CASTOR2: variants seen among roughly 807,000 people sequenced by gnomAD.
CASTOR2 encodes GATS protein like 2.
In CASTOR2, 8 loss-of-function variants were observed where a neutral mutation model predicts 31.2. That is an observed-to-expected ratio of 0.26 (90% CI 0.15 to 0.46). The LOEUF (loss-of-function observed/expected upper bound fraction) is 0.46, where lower values mean the gene tolerates loss of function less well. CASTOR2 is among the 20% of genes least tolerant of loss of function. The pLI is 0.99. For missense variants in CASTOR2, 216 were observed against 382.1 expected (o/e 0.57, Z 3.62); for synonymous variants, 162 against 158.7 (o/e 1.02, Z -0.16).
chr7:75,023,869 A>G (rs1805065343), intron 7 of CASTOR2, among the ~76,000 whole-genome samples: 1 of 152,134 alleles, frequency 6.6e-6, no homozygotes, highest in East Asian at 1.9e-4. Flanking sequence ...ACCAGGCCCC[A>G]CCTCCAATAC....
At chr7:75,013,471 C>T (rs1306700114) in intron 2 of CASTOR2, among the ~76,000 whole-genome samples, 14 of 144,200 alleles carry the variant, frequency 9.7e-5, no homozygotes, top group Non-Finnish European at 1.6e-4. Flanking sequence ...GGCAAAGCCC[C>T]GTCTCTACAA....
intron 1 of CASTOR2, among the ~76,000 whole-genome samples, chr7:74,988,609 T>C (rs1321555125): frequency 6.6e-6 from 1 of 152,110 alleles, no homozygotes; most frequent in African/African-American, 2.4e-5. Context: ...CGCTCCTTTT[T>C]TTTGGTGGAC....
chr7:74,979,392 A>ATTTT (rs56307933), intron 1 of CASTOR2, among the ~76,000 whole-genome samples: 1 of 117,928 alleles, frequency 8.5e-6, no homozygotes, highest in Non-Finnish European at 1.8e-5. Context: ...ATGTTCCCAT[A>ATTTT]TTTTTTTTTT....
rs1351119190 is a variant in CASTOR2 at position 74,977,098 on chromosome 7, C to T, written c.113+12000C>T. Among the ~76,000 whole-genome samples, 3 of 147,714 alleles carry T rather than the reference C, an allele frequency of 2.0e-5. No individual in the cohort carries two copies. The Admixed American group carries it at 2.1e-4, about 10-fold the overall frequency. ...ACTGGGGAGGCTGAGGCAGGAGAAT[C>T]GCTTGAACCTGGAAGGCAGAGGTTG... is the stretch of plus-strand genomic sequence containing the variant. On this transcript the variant is annotated intron_variant, in intron 1 of 8. Transcript: ENST00000616305.
At position 75,025,576 on chromosome 7, in the gene CASTOR2, C is replaced by G. The variant is rs1052080044; in HGVS notation, c.*877C>G. The stretch of plus-strand genomic sequence containing the variant: ...GGTGTCCCACCTCCCCAACAGACAA[C>G]TAGACCAGCATAGGACTCCCCGCCG... On this transcript the variant is annotated 3_prime_UTR_variant, in exon 9 of 9. Coordinates refer to ENST00000616305, the MANE Select transcript of CASTOR2 (RefSeq NM_001145064.3). 2.2e-4 allele frequency among the ~76,000 whole-genome samples: 33 copies of G among 152,352 alleles called. 2 individuals are homozygous for G. Among genetic ancestry groups the G allele is most frequent in the South Asian group, 1.9e-3 (9 of 4,830 alleles).
Position 75,028,940 on chromosome 7 carries a change from G to C in CASTOR2, c.*4241G>C, listed in dbSNP as rs1337851091. Among the ~76,000 whole-genome samples the C allele has an allele frequency of 6.6e-6, 1 of 152,240 alleles. No individual in the cohort carries two copies. The highest frequency in any genetic ancestry group is 1.5e-5 in the Non-Finnish European group (1 of 68,044). ...TCCTCTCACCTCCAGGCACCAGGCT[G>C]CTGGTGGGAAAGGAAGGAGCTGGGG... On this transcript the variant is annotated 3_prime_UTR_variant, in exon 9 of 9. Coordinates refer to ENST00000616305, the MANE Select transcript of CASTOR2 (RefSeq NM_001145064.3).
intron 1 of CASTOR2, among the ~76,000 whole-genome samples, chr7:75,000,163 C>T (rs1237449606): frequency 1.3e-5 from 2 of 152,184 alleles, no homozygotes; most frequent in African/African-American, 4.8e-5. Flanking sequence ...GAGTTGGAGG[C>T]TGCAGTGAAC....
At chr7:75,010,333 T>G (rs1411896474) in intron 2 of CASTOR2, among the ~76,000 whole-genome samples, 391 of 151,714 alleles carry the variant, frequency 2.6e-3, no homozygotes, top group Non-Finnish European at 4.7e-3. Context: ...AAGACAGAGG[T>G]AGGCAGGGTA....
intron 7 of CASTOR2, among the ~76,000 whole-genome samples, chr7:75,023,859 A>AC (rs199556745): frequency 0.028 from 4,237 of 152,312 alleles, 95 homozygotes; most frequent in African/African-American, 0.047. Context: ...GTCATCTTGC[A>AC]CCAGGCCCCA....
At chr7:74,976,531 T>TCTC (rs369879917) in intron 1 of CASTOR2, among the ~76,000 whole-genome samples, 2,592 of 118,872 alleles carry the variant, frequency 0.022, 127 homozygotes, top group African/African-American at 0.073. Context: ...TGAGACCCTG[T>TCTC]CTCCTCCTCC....
At position 74,996,734 on chromosome 7, in the gene CASTOR2, TTTTTTTTTTTTG is replaced by T. The variant is rs1277294936; in HGVS notation, c.114-11259_114-11248del. Among the ~76,000 whole-genome samples the T allele has an allele frequency of 3.2e-4, 37 of 117,258 alleles. 1 individual carries two copies. Among genetic ancestry groups the T allele is most frequent in the East Asian group, 2.4e-3 (9 of 3,792 alleles). 76.9% of individuals were successfully genotyped at this position (117,258 alleles called of 152,430 possible). ...CTGGTGCTTTTTTTTTTTTTTTTTT[TTTTTTTTTTTTG>T]GAGACAGAATCTTACTCTGTCACCC... is the stretch of plus-strand genomic sequence containing the variant. On this transcript the variant is annotated intron_variant, in intron 1 of 8. Coordinates refer to ENST00000616305, the MANE Select transcript of CASTOR2 (RefSeq NM_001145064.3).
intron 2 of CASTOR2, among the ~76,000 whole-genome samples, chr7:75,014,108 A>G (rs1466607859): frequency 6.6e-6 from 1 of 152,174 alleles, no homozygotes; most frequent in East Asian, 1.9e-4. Context: ...GCCTCTGGGT[A>G]ATGGGTAGAA....
intron 1 of CASTOR2, among the ~76,000 whole-genome samples, chr7:75,003,775 C>G (rs1321057160): frequency 6.6e-6 from 1 of 151,590 alleles, no homozygotes; most frequent in Admixed American, 6.6e-5. Flanking sequence ...ACAACAACAA[C>G]AAGGAGGTCA....
intron 1 of CASTOR2, among the ~76,000 whole-genome samples, chr7:75,003,728 A>G (rs1392293171): frequency 2.0e-5 from 3 of 151,830 alleles, no homozygotes; most frequent in Non-Finnish European, 4.4e-5. Flanking sequence ...CAGCCTGGGT[A>G]ACAGAGCGAG....
In CASTOR2 at chr7:74,988,451, C is replaced by T. The variant is rs1209876444; in HGVS notation, c.114-19543C>T. 3.3e-5 allele frequency among the ~76,000 whole-genome samples: 5 copies of T among 152,154 alleles called. 1 individual carries two copies. Among genetic ancestry groups the T allele is most frequent in the African/African-American group, 9.7e-5 (4 of 41,440 alleles). ...TAGCTGGGACTACAGGTGCCTGCCA[C>T]TGCGCCCAGCTAATTTTTTATGTTT... On this transcript the variant is annotated intron_variant, in intron 1 of 8. Transcript: ENST00000616305.
intron 5 of CASTOR2, 48 bp from the exon 6 acceptor site, chr7:75,019,991 G>A: frequency 6.5e-7 from 1 of 1,532,740 alleles, no homozygotes; most frequent in Non-Finnish European, 8.8e-7. Flanking sequence ...TGTGAATGGG[G>A]CAGGGGCCAC....
At chr7:74,984,473 G>T (rs1804018176) in intron 1 of CASTOR2, among the ~76,000 whole-genome samples, 2 of 152,158 alleles carry the variant, frequency 1.3e-5, no homozygotes, top group Non-Finnish European at 2.9e-5. Flanking sequence ...GCCAACCATG[G>T]TTGCCTGGGA....
At chr7:75,020,185 G>A (rs1199074257) in intron 6 of CASTOR2, 36 bp downstream of exon 6, 5 of 1,542,912 alleles carry the variant, frequency 3.2e-6, no homozygotes, top group East Asian at 2.4e-5. Flanking sequence ...TCAACCCAGG[G>A]TGGGCCCCAG....
rs1370909329 is a variant in CASTOR2 at position 75,025,304 on chromosome 7, T to C, written c.*605T>C. ...AGCTGGGAAGGACCCAGACTCCCCC[T>C]GTACCTCGCCTGCCAACCACAGGGC... On this transcript the variant is annotated 3_prime_UTR_variant, in exon 9 of 9. Coordinates refer to ENST00000616305, the MANE Select transcript of CASTOR2 (RefSeq NM_001145064.3). 6.6e-6 allele frequency among the ~76,000 whole-genome samples: 1 copy of C among 152,152 alleles called. No individual in the cohort carries two copies. Among genetic ancestry groups the C allele is most frequent in the Non-Finnish European group, 1.5e-5 (1 of 68,006 alleles).
Sources: gnomAD v4.1 joint callset for allele counts (sites outside exome capture counted in the v4.1 genomes callset) on GRCh38, gnomAD v4.1.1 for gene constraint, MANE v1.5 for transcripts, NCBI Gene and HGNC (gene_info 2026-07-23, HGNC 2026-07-21) for gene names.